Variants in IRAG2 observed in about 807,000 individuals in gnomAD.
The protein encoded by IRAG2 is lymphoid restricted membrane protein.
In IRAG2, 45 loss-of-function variants were observed where a neutral mutation model predicts 69.9. The observed-to-expected ratio is 0.64, with a 90% confidence interval of 0.51 to 0.83. The LOEUF (loss-of-function observed/expected upper bound fraction) is 0.83. Ranked by LOEUF, IRAG2 falls within the 40% of genes least tolerant of loss-of-function variation. The pLI, the probability that IRAG2 is intolerant of heterozygous loss-of-function variation, is 0.00. For synonymous variants in IRAG2, 193 were observed against 202.4 expected, an observed-to-expected ratio of 0.95 and a Z score of 0.40; for missense variants, 520 against 587.0, an observed-to-expected ratio of 0.89 and a Z score of 1.18.
At chr12:25,003,673 G>C (rs1036481436), upstream of IRAG2, among the ~76,000 whole-genome samples, 1 of 151,960 alleles carries the variant, frequency 6.6e-6, no homozygotes, top group Non-Finnish European at 1.5e-5. Flanking sequence ...TCAAATCTTA[G>C]AGATGGGACC....
chr12:24,998,127 C>T, the IRAG2 span, among the ~76,000 whole-genome samples: 8 of 152,202 alleles, frequency 5.3e-5, no homozygotes, highest in Non-Finnish European at 1.0e-4. Flanking sequence ...AACCAGACTT[C>T]ATATAACAAG....
chr12:25,048,590 C>G (rs1944816790), upstream of IRAG2, among the ~76,000 whole-genome samples: 1 of 152,136 alleles, frequency 6.6e-6, no homozygotes, highest in Non-Finnish European at 1.5e-5. Flanking sequence ...AGCCACTGAG[C>G]CTGGCTTGAC....
chr12:25,079,719 A>C lies in IRAG2; in HGVS notation c.200A>C (p.Lys67Thr). 1.2e-6 allele frequency: 2 copies of C among 1,614,106 alleles called. No homozygotes were observed. The highest frequency in any genetic ancestry group is 2.2e-5 in the East Asian group (1 of 44,876). ...CDLDRNSLCK[K>T]EEDTRSASPT... is the part of the protein sequence containing the mutation. Reference sequence around the variant, plus strand: ...CTTGACAGAAACTCGCTCTGTAAGAAAGAGGAGGATACAAGATCAGCTTCT... The same window carrying C: ...CTTGACAGAAACTCGCTCTGTAAGACAGAGGAGGATACAAGATCAGCTTCT... The change falls in exon 9 of 22, where the codon AAA becomes ACA. Residue 67 changes from lysine to threonine, a missense_variant. Coordinates refer to ENST00000556887, the MANE Select transcript of IRAG2 (RefSeq NM_001366544.2).
chr12:25,095,460 A>G (rs903601141), intron 14 of IRAG2, among the ~76,000 whole-genome samples: 1 of 152,242 alleles, frequency 6.6e-6, no homozygotes, highest in South Asian at 2.1e-4. Context: ...TGGTTTTCAT[A>G]TGTTAAACCA....
At chr12:25,057,198 A>C (rs1945314217) in intron 1 of IRAG2, among the ~76,000 whole-genome samples, 1 of 151,414 alleles carries the variant, frequency 6.6e-6, no homozygotes, top group Non-Finnish European at 1.5e-5. Context: ...TACTCTGGTT[A>C]CAGTGTTGCA....
At chr12:25,098,762 G>A (rs746548056) in intron 15 of IRAG2, among the ~76,000 whole-genome samples, 14 of 152,038 alleles carry the variant, frequency 9.2e-5, no homozygotes, top group Non-Finnish European at 1.6e-4. Context: ...AGCAAACCTC[G>A]ACAGAATGGT....
intron 8 of IRAG2, 93 bp from the exon 9 acceptor site, chr12:25,079,563 T>C: frequency 4.6e-6 from 6 of 1,297,348 alleles, no homozygotes; most frequent in Non-Finnish European, 6.7e-6. Context: ...GAGAAGAACA[T>C]AGGCAAATAC....
At chr12:25,088,339 G>A (rs1436100909) in intron 11 of IRAG2, among the ~76,000 whole-genome samples, 182 bp downstream of exon 11, 1 of 152,200 alleles carries the variant, frequency 6.6e-6, no homozygotes, top group Non-Finnish European at 1.5e-5. Context: ...TTTGCATTGT[G>A]TTGACTGTGC....
intron 9 of IRAG2, among the ~76,000 whole-genome samples, chr12:25,030,079 T>C (rs1331709925): frequency 1.3e-5 from 2 of 152,096 alleles, no homozygotes; most frequent in African/African-American, 4.8e-5. Context: ...CTCTGGGTAG[T>C]GTGGAGTTTG....
rs1266747085 is a variant in IRAG2 at position 25,077,299 on chromosome 12, A to AAT, written c.25-1938_25-1937dup. The stretch of plus-strand genomic sequence containing the variant: ...TGAAATATATATGATATATATATGA[A>AAT]ATATATATGATATATATGATATATA... On this transcript the variant is annotated intron_variant, in intron 6 of 21. Transcript: ENST00000556887. Among the ~76,000 whole-genome samples, 61 of 39,508 alleles carry AAT rather than the reference A, an allele frequency of 1.5e-3. 12 individuals are homozygous for AAT. The highest frequency in any genetic ancestry group is 8.1e-3 in the East Asian group (6 of 744). 25.9% of individuals were successfully genotyped at this position (39,508 alleles called of 152,430 possible). A position where few individuals can be genotyped will look rare whatever the true frequency, so the allele number is the denominator to read the frequency against.
upstream of IRAG2, among the ~76,000 whole-genome samples, chr12:25,051,542 C>G (rs534649149): frequency 8.5e-5 from 13 of 152,186 alleles, no homozygotes; most frequent in Non-Finnish European, 1.8e-4. Context: ...CATCTGCTAA[C>G]AGAGAGTAAG....
chr12:25,047,345 T>G (rs896673563), upstream of IRAG2, among the ~76,000 whole-genome samples: 2 of 152,222 alleles, frequency 1.3e-5, no homozygotes, highest in Non-Finnish European at 2.9e-5. Flanking sequence ...GAAAAGCTTC[T>G]GCACAGCAAA....
intron 1 of IRAG2, among the ~76,000 whole-genome samples, chr12:25,060,674 T>TC (rs1565545473): frequency 7.6e-6 from 1 of 132,076 alleles, no homozygotes; most frequent in Non-Finnish European, 1.8e-5. Context: ...TTTTCTTTTT[T>TC]TTTTTTTTTT....
At chr12:25,010,627 C>T (rs1465039670) in intron 2 of IRAG2, among the ~76,000 whole-genome samples, 2 of 151,822 alleles carry the variant, frequency 1.3e-5, no homozygotes, top group African/African-American at 4.9e-5. Flanking sequence ...ATGAGTATCT[C>T]CTCCTTCTAA....
intron 1 of IRAG2, among the ~76,000 whole-genome samples, chr12:25,060,516 C>T (rs745490488): frequency 5.3e-5 from 8 of 151,934 alleles, no homozygotes; most frequent in Non-Finnish European, 7.4e-5. Context: ...CCTTTTCAAT[C>T]GTCTGCACAT....
chr12:25,104,525 C>G (rs1014557206), intron 20 of IRAG2, 63 bp downstream of exon 20: 3 of 891,298 alleles, frequency 3.4e-6, no homozygotes, highest in Non-Finnish European at 5.7e-6. Flanking sequence ...ATGGGAATCA[C>G]TTTTATTCCA....
chr12:25,098,077 G>A (rs967008416), intron 15 of IRAG2, among the ~76,000 whole-genome samples: 2 of 152,112 alleles, frequency 1.3e-5, no homozygotes, highest in Non-Finnish European at 2.9e-5. Flanking sequence ...ATACTCCACA[G>A]TTAAACATAG....
At chr12:25,000,558 A>C (rs1188531918), upstream of IRAG2, among the ~76,000 whole-genome samples, 1 of 152,202 alleles carries the variant, frequency 6.6e-6, no homozygotes, top group Non-Finnish European at 1.5e-5. Context: ...TTGAGGCCGC[A>C]ATGTGCTATG....
chr12:25,014,860 T>C (rs1288495784), intron 3 of IRAG2, among the ~76,000 whole-genome samples: 1 of 151,804 alleles, frequency 6.6e-6, no homozygotes, highest in Non-Finnish European at 1.5e-5. Flanking sequence ...CTCCTAATCA[T>C]ACGCTGCCTG....
Sources: gnomAD v4.1 joint callset for allele counts (sites outside exome capture counted in the v4.1 genomes callset) on GRCh38, gnomAD v4.1.1 for gene constraint, MANE v1.5 for transcripts, NCBI Gene and HGNC (gene_info 2026-07-23, HGNC 2026-07-21) for gene names.